Variants in CDK14 observed in about 807,000 individuals in gnomAD.
CDK14 encodes the protein cyclin dependent kinase 14, also known as cyclin-dependent kinase 14.
In CDK14, 34 loss-of-function variants were observed where a neutral mutation model predicts 60.7. The observed-to-expected ratio is 0.56, with a 90% CI of 0.43 to 0.75. The LOEUF is 0.75. Ranked by LOEUF, CDK14 falls within the 30% of genes least tolerant of loss-of-function variation. CDK14 has a pLI of 0.00. For missense variants in CDK14, 482 were observed against 564.1 expected, an observed-to-expected ratio of 0.85 and a Z score of 1.47; for synonymous variants, 197 against 203.7, an observed-to-expected ratio of 0.97 and a Z score of 0.28.
chr7:90,650,467 A>T (rs1800607711), intron 2 of CDK14, among the ~76,000 whole-genome samples: 1 of 152,070 alleles, frequency 6.6e-6, no homozygotes, highest in Admixed American at 6.6e-5. Context: ...GTTTAATTAG[A>T]TCCCATTTGT....
intron 2 of CDK14, among the ~76,000 whole-genome samples, chr7:90,633,784 G>C (rs1427580655): frequency 6.6e-6 from 1 of 151,638 alleles, no homozygotes. Context: ...TGTAAATCAT[G>C]CATTTGTATT....
intron 3 of CDK14, among the ~76,000 whole-genome samples, chr7:90,744,761 A>G (rs1260927805): frequency 5.2e-5 from 6 of 115,884 alleles, no homozygotes; most frequent in African/African-American, 1.4e-4. Flanking sequence ...CTGGCCGGGC[A>G]GGGGGCTGAC....
chr7:91,078,271 A>G (rs1419483466), intron 11 of CDK14, among the ~76,000 whole-genome samples: 2 of 152,212 alleles, frequency 1.3e-5, no homozygotes, highest in East Asian at 3.8e-4. Context: ...AGTTAAATAA[A>G]TTATGGTACT....
chr7:91,196,988 C>T (rs1486974440), intron 14 of CDK14, among the ~76,000 whole-genome samples: 5 of 152,146 alleles, frequency 3.3e-5, no homozygotes, highest in African/African-American at 1.2e-4. Context: ...ACCTTGTTAC[C>T]TCTGTTTTTA....
At chr7:90,739,522 T>C (rs1184769305) in intron 3 of CDK14, among the ~76,000 whole-genome samples, 1 of 152,206 alleles carries the variant, frequency 6.6e-6, no homozygotes. Context: ...TACAAAACTA[T>C]CTATGTAGAG....
At chr7:91,100,791 T>G (rs1799128292) in intron 12 of CDK14, among the ~76,000 whole-genome samples, 1 of 152,212 alleles carries the variant, frequency 6.6e-6, no homozygotes, top group African/African-American at 2.4e-5. Flanking sequence ...AGCAAGAATT[T>G]AATATTTTCA....
intron 2 of CDK14, among the ~76,000 whole-genome samples, chr7:90,691,735 G>A (rs948753302): frequency 6.6e-6 from 1 of 152,190 alleles, no homozygotes; most frequent in African/African-American, 2.4e-5. Context: ...TCTGCAAGAT[G>A]ATGGTACATC....
At chr7:91,205,985 G>A (rs777356256) in intron 14 of CDK14, among the ~76,000 whole-genome samples, 2 of 151,998 alleles carry the variant, frequency 1.3e-5, no homozygotes, top group Non-Finnish European at 2.9e-5. Flanking sequence ...CAGTAGAGAC[G>A]GGGTTTCACC....
In CDK14 at chr7:90,711,934, G is replaced by C. The variant is rs554200252; in HGVS notation, c.124-14633G>C. ...GCCGAGGGTCTCACTATGTTGGCCA[G>C]GTTTGTCTTGAGCTCCTGGACTCAT... On this transcript the variant is annotated intron_variant, in intron 2 of 14. Coordinates refer to ENST00000380050, the MANE Select transcript of CDK14 (RefSeq NM_001287135.2). Among the ~76,000 whole-genome samples, 5 of 145,280 alleles carry C rather than the reference G, an allele frequency of 3.4e-5. No individual in the cohort carries two copies. The South Asian group carries it at 1.1e-3, about 32-fold the overall frequency.
At chr7:90,646,455 T>G (rs1009882911) in intron 2 of CDK14, among the ~76,000 whole-genome samples, 8 of 151,686 alleles carry the variant, frequency 5.3e-5, no homozygotes, top group African/African-American at 1.9e-4. Context: ...TTCTTTTCTC[T>G]TGTTCTTTTT....
At chr7:90,638,439 A>G (rs1408835561) in intron 2 of CDK14, among the ~76,000 whole-genome samples, 1 of 152,106 alleles carries the variant, frequency 6.6e-6, no homozygotes, top group Non-Finnish European at 1.5e-5. Context: ...TTTTTTCTTT[A>G]AGAATGTTGA....
chr7:90,873,334 T>G (rs981861017), intron 6 of CDK14, among the ~76,000 whole-genome samples: 3 of 152,200 alleles, frequency 2.0e-5, no homozygotes, highest in African/African-American at 7.2e-5. Context: ...AAAAAATCAC[T>G]AGCAAATTCA....
intron 8 of CDK14, among the ~76,000 whole-genome samples, chr7:90,923,224 C>T (rs537798575): frequency 1.2e-4 from 18 of 151,922 alleles, no homozygotes; most frequent in African/African-American, 3.6e-4. Context: ...ATTCTCCTGC[C>T]TCAGCCTCCC....
At chr7:90,632,328 G>T in intron 2 of CDK14, 1 of 321,596 alleles carries the variant, frequency 3.1e-6, no homozygotes, top group South Asian at 2.9e-5. Context: ...CTGAATCAAG[G>T]ATCTTTTGGT....
intron 3 of CDK14, among the ~76,000 whole-genome samples, chr7:90,728,803 G>A (rs1307072844): frequency 6.6e-6 from 1 of 152,042 alleles, no homozygotes; most frequent in East Asian, 1.9e-4. Flanking sequence ...TGCCTGGGTG[G>A]CTTGTCAGTT....
chr7:90,833,484 A>G (rs924313267), intron 5 of CDK14, among the ~76,000 whole-genome samples: 1 of 152,218 alleles, frequency 6.6e-6, no homozygotes, highest in African/African-American at 2.4e-5. Flanking sequence ...GTTATAAGGC[A>G]TATTTTCTGT....
chr7:91,008,371 G>T (rs1169254880), intron 10 of CDK14, among the ~76,000 whole-genome samples: 2 of 152,106 alleles, frequency 1.3e-5, no homozygotes, highest in East Asian at 3.8e-4. Context: ...AACAAGCAGT[G>T]CAGCCTGTGA....
intron 2 of CDK14, among the ~76,000 whole-genome samples, chr7:90,643,275 G>A (rs1209507998): frequency 6.6e-6 from 1 of 152,088 alleles, no homozygotes; most frequent in Non-Finnish European, 1.5e-5. Flanking sequence ...CGGCTTTTTT[G>A]TGTTTCTAAT....
chr7:90,750,238 A>G (rs1023525746), intron 4 of CDK14, among the ~76,000 whole-genome samples: 2 of 151,994 alleles, frequency 1.3e-5, no homozygotes, highest in Non-Finnish European at 2.9e-5. Flanking sequence ...AAAAAATGCA[A>G]TCTGTACAAA....
Sources: gnomAD v4.1 joint callset for allele counts (sites outside exome capture counted in the v4.1 genomes callset) on GRCh38, gnomAD v4.1.1 for gene constraint, MANE v1.5 for transcripts, NCBI Gene and HGNC (gene_info 2026-07-23, HGNC 2026-07-21) for gene names.